The following UPF3B variants were observed in gnomAD, a reference collection of about 807,000 sequenced individuals.
UPF3B encodes regulator of nonsense transcripts 3B.
Under a neutral mutation model 40.3 loss-of-function variants are expected in UPF3B, and 7 were observed. The ratio of observed to expected loss-of-function variants is 0.17; its 90% CI spans 0.10 to 0.33. UPF3B has a LOEUF of 0.33. UPF3B is among the 10% of genes least tolerant of loss of function. The pLI is 1.00. For synonymous variants in UPF3B, 117 were observed against 117.3 expected, an observed-to-expected ratio of 1.00 and a Z score of 0.01; for missense variants, 229 against 358.9, an observed-to-expected ratio of 0.64 and a Z score of 2.93.
intron 4 of UPF3B, among the ~76,000 whole-genome samples, chrX:119,822,364 G>A (rs1251204167): frequency 4.4e-5 from 5 of 112,759 alleles, no homozygotes; most frequent in African/African-American, 1.3e-4. Context: ...AATTCAGGAT[G>A]AACAACAGCT....
intron 4 of UPF3B, among the ~76,000 whole-genome samples, chrX:119,817,286 A>T (rs1940246471): frequency 8.9e-6 from 1 of 112,250 alleles, no homozygotes; most frequent in Admixed American, 9.5e-5. Flanking sequence ...TAATTGACTC[A>T]CAGTTCCACA....
intron 5 of UPF3B, among the ~76,000 whole-genome samples, chrX:119,808,446 C>T (rs2055808485): frequency 2.1e-5 from 2 of 97,106 alleles, no homozygotes; most frequent in Admixed American, 2.3e-4. Context: ...CCCTGTGCTA[C>T]CTCGACCCTT....
intron 5 of UPF3B, among the ~76,000 whole-genome samples, chrX:119,810,080 C>A (rs1009036448): frequency 6.2e-5 from 7 of 112,257 alleles, no homozygotes; most frequent in African/African-American, 2.3e-4. Context: ...AATTTATCTT[C>A]TTTGTGCCCT....
intron 3 of UPF3B, among the ~76,000 whole-genome samples, chrX:119,849,534 A>G (rs1057220988): frequency 9.1e-6 from 1 of 110,092 alleles, no homozygotes; most frequent in Admixed American, 9.8e-5. Flanking sequence ...AAGAAAAAAA[A>G]CAAAAATAAA....
At chrX:119,814,950 C>T (rs190549093) in intron 5 of UPF3B, among the ~76,000 whole-genome samples, 4 of 104,367 alleles carry the variant, frequency 3.8e-5, no homozygotes, top group Admixed American at 1.1e-4. Context: ...ACTGCAACCT[C>T]CGCCTCCTGA....
downstream of UPF3B, among the ~76,000 whole-genome samples, chrX:119,831,080 AAATT>A (rs1353904043): frequency 8.9e-6 from 1 of 112,435 alleles, no homozygotes; most frequent in Non-Finnish European, 1.9e-5. Context: ...TCTGACACTA[AAATT>A]AATTTGTAGA....
rs751581608 is a variant in UPF3B, at chrX:119,834,840, G to A, written c.*38C>T. 3.8e-5 allele frequency: 46 copies of A among 1,208,485 alleles called. No homozygotes were observed. In the Admixed American group the frequency reaches 9.0e-4, roughly 24 times the overall value. ...ATTGCTTAACGTGTGCTCTTTGGCT[G>A]CCTAGACAGTCAGGACACCTAAGGC... On this transcript the variant is annotated 3_prime_UTR_variant, in exon 11 of 11. Transcript: ENST00000276201.
Position 119,838,340 on chromosome X carries a change from C to G in UPF3B, c.1007+27G>C, listed in dbSNP as rs149628923. On this transcript the variant is annotated intron_variant, in intron 9 of 10. Coordinates refer to ENST00000276201, the MANE Select transcript of UPF3B (RefSeq NM_080632.3). ...GCAAAACTAGCATGTATAAATCAAACATAACAAAGAGTCCTTGACTACTGA... is the reference window on the plus strand; with the variant it reads ...GCAAAACTAGCATGTATAAATCAAAGATAACAAAGAGTCCTTGACTACTGA... 726 of 1,205,550 alleles carry G rather than the reference C, an allele frequency of 6.0e-4. 4 individuals are homozygous for G. In the African/African-American group the frequency reaches 0.01, roughly 17 times the overall value.
chrX:119,815,872 C>T (rs12840113), intron 4 of UPF3B, among the ~76,000 whole-genome samples: 4,620 of 111,350 alleles, frequency 0.041, 241 homozygotes, highest in African/African-American at 0.14. Context: ...ACCTCTGCCT[C>T]CCGGGTTCAA....
rs183463852 is a variant in UPF3B at position 119,838,678 on chromosome X, A to C, written c.847-151T>G. On this transcript the variant is annotated intron_variant, in intron 8 of 10. Transcript: ENST00000276201. Reference sequence around the variant, plus strand: ...TCTTTCAGGTGAACAACTAGTGCATAAGAGTAGTAATTTACTAAAAGGATG... The same window carrying C: ...TCTTTCAGGTGAACAACTAGTGCATCAGAGTAGTAATTTACTAAAAGGATG... The C allele has an allele frequency of 1.1e-5, 6 of 538,539 alleles. No homozygotes were observed. The Admixed American group carries it at 2.1e-4, about 19-fold the overall frequency. The allele number at this position is 538,539 out of a possible 1,213,427, so 44.4% of individuals were successfully genotyped here.
At chrX:119,819,779 A>G (rs952325918) in intron 4 of UPF3B, among the ~76,000 whole-genome samples, 1 of 109,799 alleles carries the variant, frequency 9.1e-6, no homozygotes, top group African/African-American at 3.3e-5. Context: ...GGATCTTACG[A>G]TGAGAAGTTT....
At chrX:119,812,187 A>T (rs1392590238) in intron 5 of UPF3B, among the ~76,000 whole-genome samples, 1 of 110,847 alleles carries the variant, frequency 9.0e-6, no homozygotes, top group Non-Finnish European at 1.9e-5. Context: ...CAGGAGGTGG[A>T]GGTTGCAGTG....
At position 119,843,073 on chromosome X, in the gene UPF3B, A is replaced by G. The variant is rs2496210; in HGVS notation, c.580+118T>C. The G allele has an allele frequency of 4.3e-3, 2,247 of 526,345 alleles. 22 individuals are homozygous for G. The African/African-American group carries it at 0.046, about 11-fold the overall frequency. The allele number at this position is 526,345 out of a possible 1,213,427, so 43.4% of individuals were successfully genotyped here. Reference sequence around the variant, plus strand: ...GGTATTACCATCTGCAATTTACAGTAACAGTCTCAGAGAAACTAGTAACTT... The same window carrying G: ...GGTATTACCATCTGCAATTTACAGTGACAGTCTCAGAGAAACTAGTAACTT... On this transcript the variant is annotated intron_variant, in intron 5 of 10. Coordinates refer to ENST00000276201, the MANE Select transcript of UPF3B (RefSeq NM_080632.3).
Position 119,838,341 on chromosome X carries a change from A to G in UPF3B, c.1007+26T>C, listed in dbSNP as rs374276301. The G allele has an allele frequency of 1.3e-5, 16 of 1,206,699 alleles. No homozygotes were observed. In the African/African-American group the frequency reaches 2.6e-4, roughly 20 times the overall value. On this transcript the variant is annotated intron_variant, in intron 9 of 10. Coordinates refer to ENST00000276201, the MANE Select transcript of UPF3B (RefSeq NM_080632.3). ...CAAAACTAGCATGTATAAATCAAAC[A>G]TAACAAAGAGTCCTTGACTACTGAC...
exon 6 of UPF3B, chrX:119,807,541 C>G: frequency 2.3e-6 from 2 of 851,383 alleles, no homozygotes; most frequent in Non-Finnish European, 2.9e-6. Flanking sequence ...TCGACCTGGG[C>G]TTCGAGCTCC....
At chrX:119,847,826 G>A (rs1198313356) in intron 3 of UPF3B, among the ~76,000 whole-genome samples, 6 of 110,728 alleles carry the variant, frequency 5.4e-5, no homozygotes, top group Non-Finnish European at 1.1e-4. Flanking sequence ...CCATTTCTCG[G>A]TATATATCCA....
At position 119,848,661 on chromosome X, in the gene UPF3B, GATAT is replaced by G. The variant is rs61073577; in HGVS notation, c.370+2830_370+2833del. Among the ~76,000 whole-genome samples, 6 of 110,638 alleles carry G rather than the reference GATAT, an allele frequency of 5.4e-5. No individual in the cohort carries two copies. In the South Asian group the frequency reaches 2.2e-3, roughly 41 times the overall value. On this transcript the variant is annotated intron_variant, in intron 3 of 10. Coordinates refer to ENST00000276201, the MANE Select transcript of UPF3B (RefSeq NM_080632.3). ...AAAAATGCAAAAGGAATGAGGTAAT[GATAT>G]ATGTTATATGTTACAACATGGATGG...
At chrX:119,846,976 A>T (rs1045282073) in intron 3 of UPF3B, among the ~76,000 whole-genome samples, 2 of 112,722 alleles carry the variant, frequency 1.8e-5, no homozygotes, top group Admixed American at 1.9e-4. Context: ...AGACTTGAAT[A>T]GACATTTCTT....
intron 3 of UPF3B, among the ~76,000 whole-genome samples, chrX:119,849,284 A>G (rs2056271945): frequency 9.0e-6 from 1 of 110,753 alleles, no homozygotes; most frequent in South Asian, 3.8e-4. Context: ...GCTTGAGGCC[A>G]GGAGTTTGAG....
Sources: gnomAD v4.1 joint callset for allele counts (sites outside exome capture counted in the v4.1 genomes callset) on GRCh38, gnomAD v4.1.1 for gene constraint, MANE v1.5 for transcripts, NCBI Gene and HGNC (gene_info 2026-07-23, HGNC 2026-07-21) for gene names.